Variants in ATP7A observed in about 807,000 individuals in gnomAD.
ATP7A encodes the protein ATPase copper transporting alpha, also known as copper-transporting ATPase 1.
Under a neutral mutation model 83.5 loss-of-function variants are expected in ATP7A, and 7 were observed. The ratio of observed to expected loss-of-function variants is 0.08; its 90% CI spans 0.05 to 0.16. The LOEUF (loss-of-function observed/expected upper bound fraction) is 0.16, where lower values mean the gene tolerates loss of function less well. Ranked by LOEUF, ATP7A falls within the 10% of genes least tolerant of loss-of-function variation. The pLI, the probability that ATP7A is intolerant of heterozygous loss-of-function variation, is 1.00. For missense variants in ATP7A, 940 were observed against 1,120.8 expected (o/e 0.84, Z 2.30); for synonymous variants, 354 against 395.2 (o/e 0.90, Z 1.24).
chrX:78,021,259 T>A (rs782350018), intron 14 of ATP7A, among the ~76,000 whole-genome samples, 180 bp downstream of exon 14: 22 of 111,757 alleles, frequency 2.0e-4, no homozygotes, highest in African/African-American at 6.5e-4. Context: ...GGAAAAAAAA[T>A]TTTATTATGA....
chrX:77,966,010 G>T (rs1020554654), intron 1 of ATP7A, among the ~76,000 whole-genome samples: 19 of 112,222 alleles, frequency 1.7e-4, no homozygotes, highest in Non-Finnish European at 2.6e-4. Context: ...TGATAGGTAA[G>T]GGGTATGTTT....
chrX:78,011,561 A>T lies in ATP7A; in HGVS notation c.2059A>T (p.Met687Leu). 5 of 1,211,247 alleles carry T rather than the reference A, an allele frequency of 4.1e-6. No homozygotes were observed. Among genetic ancestry groups the T allele is most frequent in the Non-Finnish European group, 5.6e-6 (5 of 895,096 alleles). ...TGCAACTCTTCACCATAATCAAAAC[A>T]TGAGTAAAGAAGAAATGATCAACCT... Reference protein sequence around the residue: ...HFATLHHNQNMSKEEMINLHS... With the variant: ...HFATLHHNQNLSKEEMINLHS... Residue 687 changes from methionine to leucine, a missense_variant, in exon 9 of 23, where the codon ATG (methionine) becomes TTG (leucine). By Grantham distance (15) the Met-to-Leu change is conservative. Coordinates refer to ENST00000341514, the MANE Select transcript of ATP7A (RefSeq NM_000052.7).
At chrX:77,925,145 A>C (rs536857989) in intron 1 of ATP7A, among the ~76,000 whole-genome samples, 3 of 112,269 alleles carry the variant, frequency 2.7e-5, no homozygotes, top group African/African-American at 9.7e-5. Flanking sequence ...TATGAAAAAT[A>C]AGAATGTTAT....
chrX:77,921,936 G>A (rs1471109813), intron 1 of ATP7A, among the ~76,000 whole-genome samples: 8 of 109,971 alleles, frequency 7.3e-5, no homozygotes, highest in African/African-American at 2.6e-4. Flanking sequence ...AAAAATATTA[G>A]CTATTATGTT....
chrX:78,012,816 TGA>T, intron 9 of ATP7A, 61 bp from the exon 10 acceptor site: 1 of 960,945 alleles, frequency 1.0e-6, no homozygotes, highest in Non-Finnish European at 1.5e-6. Flanking sequence ...TTTAAGTTAT[TGA>T]GATATATATG....
At chrX:77,924,165 T>C (rs2077230082) in intron 1 of ATP7A, 1 of 111,613 alleles carries the variant, frequency 9.0e-6, no homozygotes, top group South Asian at 3.7e-4. Context: ...CTTAGTGATT[T>C]CTAACTAAGA....
intron 6 of ATP7A, among the ~76,000 whole-genome samples, chrX:78,004,717 T>C (rs2077762256): frequency 9.2e-6 from 1 of 108,255 alleles, no homozygotes; most frequent in Non-Finnish European, 1.9e-5. Flanking sequence ...ACCCCGTGTC[T>C]ACTAAAAATA....
rs782104050 is a variant in ATP7A, at chrX:77,965,575, C to T, written c.-21-6046C>T. The T allele has an allele frequency of 6.6e-4, 98 of 147,525 alleles. 1 individual carries two copies. Among genetic ancestry groups the T allele is most frequent in the Non-Finnish European group, 2.1e-4 (16 of 74,539 alleles). 12.2% of individuals were successfully genotyped at this position (147,525 alleles called of 1,213,427 possible). ...CTCATGGGAGTATAAATGGTACAGT[C>T]ACTTTGGAAAACAGTCTGGCAGATC... On this transcript the variant is annotated intron_variant, in intron 1 of 22. Coordinates refer to ENST00000341514, the MANE Select transcript of ATP7A (RefSeq NM_000052.7).
chrX:77,918,921 C>A (rs1388208037), intron 1 of ATP7A, among the ~76,000 whole-genome samples: 1 of 111,212 alleles, frequency 9.0e-6, no homozygotes, highest in Non-Finnish European at 1.9e-5. Context: ...CTCTTTGCCT[C>A]CCACTTGAAG....
At chrX:77,946,299 CAA>C (rs782508466) in intron 1 of ATP7A, among the ~76,000 whole-genome samples, 12 of 49,247 alleles carry the variant, frequency 2.4e-4, no homozygotes, top group Non-Finnish European at 1.5e-4. Flanking sequence ...GACTCTGTCT[CAA>C]AAAAAAAAAA....
At chrX:77,966,706 A>G (rs2149070070) in intron 1 of ATP7A, 2 of 302,482 alleles carry the variant, frequency 6.6e-6, no homozygotes, top group Non-Finnish European at 1.3e-5. Flanking sequence ...TTGCAACTAC[A>G]TAGTCATTAT....
At position 77,989,624 on chromosome X, in the gene ATP7A, A is replaced by G; in HGVS notation, c.1002A>G (p.Ala334=). The change falls in exon 4 of 23, where the codon GCA becomes GCG. Residue 334 remains alanine (A), a synonymous_variant. Transcript: ENST00000341514. ...SSVTPESLRK[A]IEAVSPGLYR... is the part of the protein sequence containing the mutation. ...TCACTCCAGAATCCCTGAGAAAAGCAATAGAGGCTGTATCACCGGGGCTAT... is the reference window on the plus strand; with the variant it reads ...TCACTCCAGAATCCCTGAGAAAAGCGATAGAGGCTGTATCACCGGGGCTAT... 2 of 1,212,052 alleles carry G rather than the reference A, an allele frequency of 1.7e-6. No homozygotes were observed. Among genetic ancestry groups the G allele is most frequent in the Non-Finnish European group, 2.2e-6 (2 of 895,482 alleles).
chrX:77,934,650 T>C (rs1418898277), intron 1 of ATP7A, among the ~76,000 whole-genome samples: 1 of 109,636 alleles, frequency 9.1e-6, no homozygotes, highest in Non-Finnish European at 1.9e-5. Context: ...GAGGTCGGGG[T>C]GGAATTTCTC....
chrX:77,962,745 T>C, intron 1 of ATP7A: 1 of 388,772 alleles, frequency 2.6e-6, no homozygotes, highest in South Asian at 2.3e-5. Context: ...AGACACAGCA[T>C]TTTCGTCAAC....
In ATP7A at chrX:78,012,929, T is replaced by C; in HGVS notation, c.2223T>C (p.His741=). 1 of 1,211,974 alleles carries C rather than the reference T, an allele frequency of 8.3e-7. No homozygotes were observed. The highest frequency in any genetic ancestry group is 1.1e-6 in the Non-Finnish European group (1 of 895,571). The part of the protein sequence containing the change: ...FYIQAYKALK[H]KTANMDVLIV... ...TTCAGGCTTATAAAGCACTGAAGCA[T>C]AAGACAGCAAATATGGACGTACTGA... is the stretch of plus-strand genomic sequence containing the variant. The change falls in exon 10 of 23, where the codon CAT becomes CAC. Residue 741 remains histidine, a synonymous_variant. Coordinates refer to ENST00000341514, the MANE Select transcript of ATP7A (RefSeq NM_000052.7).
chrX:77,915,523 G>GT (rs1345759595), intron 1 of ATP7A, among the ~76,000 whole-genome samples: 1 of 110,785 alleles, frequency 9.0e-6, no homozygotes, highest in Admixed American at 9.7e-5. Context: ...TCTAATACAT[G>GT]TACGGTGTCT....
chrX:78,027,735 A>G (rs1281459727), intron 14 of ATP7A, among the ~76,000 whole-genome samples: 2 of 112,047 alleles, frequency 1.8e-5, no homozygotes, highest in Non-Finnish European at 3.8e-5. Flanking sequence ...TGATACAAAA[A>G]TAGACATGTA....
chrX:78,002,127 T>C (rs1160225528), intron 5 of ATP7A, among the ~76,000 whole-genome samples: 1 of 109,562 alleles, frequency 9.1e-6, no homozygotes, highest in Non-Finnish European at 1.9e-5. Flanking sequence ...TGCATTGCAG[T>C]GGCATGAACA....
At chrX:78,038,734 C>G (rs1557237979) in intron 17 of ATP7A, 102 bp from the exon 18 acceptor site, 2 of 928,773 alleles carry the variant, frequency 2.2e-6, no homozygotes, top group Non-Finnish European at 3.1e-6. Flanking sequence ...AGGAGCAATA[C>G]AATGTAGTGA....
Sources: gnomAD v4.1 joint callset for allele counts (sites outside exome capture counted in the v4.1 genomes callset) on GRCh38, gnomAD v4.1.1 for gene constraint, MANE v1.5 for transcripts, NCBI Gene and HGNC (gene_info 2026-07-23, HGNC 2026-07-21) for gene names.